Variants in CHD2 observed in about 807,000 individuals in gnomAD.
The protein encoded by CHD2 is ATP-dependent chromatin remodeler CHD2.
CHD2 carries 28 observed loss-of-function variants against 243.9 expected under a neutral mutation model. The observed-to-expected ratio is 0.11, with a 90% CI of 0.09 to 0.16. The LOEUF is 0.16. Ranked by LOEUF, CHD2 falls within the 10% of genes least tolerant of loss-of-function variation. The probability of loss-of-function intolerance (pLI) is 1.00; values close to 1 mark genes in which losing one functional copy is unlikely to be tolerated. For synonymous variants in CHD2, 775 were observed against 779.0 expected, an observed-to-expected ratio of 0.99 and a Z score of 0.09; for missense variants, 1,386 against 2,209.8, an observed-to-expected ratio of 0.63 and a Z score of 7.47.
intron 37 of CHD2, among the ~76,000 whole-genome samples, chr15:93,019,561 A>T (rs2054505581): frequency 6.6e-6 from 1 of 152,248 alleles, no homozygotes; most frequent in Non-Finnish European, 1.5e-5. Flanking sequence ...TTTGAACTTC[A>T]GCAAAGTAGT....
In CHD2 at chr15:93,024,420, A is replaced by C. The variant is rs1009699195; in HGVS notation, c.5202A>C (p.Gln1734His). 14 of 1,614,032 alleles carry C rather than the reference A, an allele frequency of 8.7e-6. No individual in the cohort carries two copies. Among genetic ancestry groups the C allele is most frequent in the Non-Finnish European group, 1.2e-5 (14 of 1,180,024 alleles). ...GGAGATCCGATGAATTTAGGCCTCA[A>C]AATTACCACCAGCAGGATTTCCGAC... is the stretch of plus-strand genomic sequence containing the variant. ...KRRRSDEFRP[Q>H]NYHQQDFRRM... The change falls in exon 39 of 39, where the codon CAA becomes CAC. Residue 1734 changes from glutamine to histidine, a missense_variant. Gln to His is a conservative substitution (Grantham distance 24). Around this residue, in one of 19 missense-constraint regions of CHD2, gnomAD observed 347 missense variants for 341.6 expected, o/e 1.02. Coordinates refer to ENST00000394196, the MANE Select transcript of CHD2 (RefSeq NM_001271.4).
At chr15:92,992,780 G>A in intron 27 of CHD2, 79 bp from the exon 28 acceptor site, 3 of 1,543,130 alleles carry the variant, frequency 1.9e-6, no homozygotes, top group South Asian at 2.3e-5. Flanking sequence ...AAGATTATGT[G>A]AGGCCTAGTG....
At chr15:92,980,950 TATG>T (rs778311714) in intron 23 of CHD2, 39 bp downstream of exon 23, 1 of 1,408,932 alleles carries the variant, frequency 7.1e-7, no homozygotes, top group Non-Finnish European at 1.0e-6. Context: ...TTTTGAGAAG[TATG>T]ATCTGTGAGA....
At chr15:92,980,990 G>A in intron 23 of CHD2, 79 bp downstream of exon 23, 1 of 955,272 alleles carries the variant, frequency 1.0e-6, no homozygotes. Flanking sequence ...AGAAGATTCT[G>A]TTAGAGGCTT....
chr15:92,948,882 G>A (rs1388764335), intron 12 of CHD2, 70 bp from the exon 13 acceptor site: 16 of 1,503,368 alleles, frequency 1.1e-5, no homozygotes, highest in Middle Eastern at 1.7e-4. Context: ...CCGAATATGT[G>A]AATTGTGGCT....
chr15:93,020,123 A>C lies in CHD2; in HGVS notation c.5018A>C (p.His1673Pro), dbSNP rs1334539445. 1 of 1,614,140 alleles carries C rather than the reference A, an allele frequency of 6.2e-7. No homozygotes were observed. Among genetic ancestry groups the C allele is most frequent in the Non-Finnish European group, 8.5e-7 (1 of 1,180,020 alleles). The change falls in exon 38 of 39, where the codon CAC (histidine) becomes CCC (proline). Residue 1673 changes from histidine to proline, a missense_variant. Around this residue, in one of 19 missense-constraint regions of CHD2, gnomAD observed 347 missense variants for 341.6 expected, o/e 1.02. Transcript: ENST00000394196. ...HQYEQHWYKDHHYGDRRHMDA... is the reference protein window; with the variant it reads ...HQYEQHWYKDPHYGDRRHMDA... Reference sequence around the variant, plus strand: ...TATGAGCAGCACTGGTACAAGGACCACCATTATGGGGACCGGCGACATATG... The same window carrying C: ...TATGAGCAGCACTGGTACAAGGACCCCCATTATGGGGACCGGCGACATATG...
At chr15:93,015,380 C>T (rs2054446315) in intron 37 of CHD2, among the ~76,000 whole-genome samples, 1 of 152,154 alleles carries the variant, frequency 6.6e-6, no homozygotes. Context: ...CGTCTGGCCC[C>T]CAGGACTATT....
chr15:92,997,648 A>G lies in CHD2; in HGVS notation c.3885+245A>G. The G allele has an allele frequency of 3.2e-6, 1 of 315,582 alleles. No individual in the cohort carries two copies. The highest frequency in any genetic ancestry group is 5.7e-6 in the Non-Finnish European group (1 of 174,192). 19.5% of individuals were successfully genotyped at this position (315,582 alleles called of 1,614,324 possible). ...AGAAATCTTAAAATTCTGGTATTTA[A>G]TTATAGGTCAGATTTCATTACAATA... On this transcript the variant is annotated intron_variant, in intron 30 of 38. Coordinates refer to ENST00000394196, the MANE Select transcript of CHD2 (RefSeq NM_001271.4). This position sits in a 1 kb window ranked among gnomAD's most constrained non-coding sequence, Gnocchi z 4.1.
At chr15:92,930,351 G>A (rs2053142696) in intron 5 of CHD2, among the ~76,000 whole-genome samples, 1 of 152,096 alleles carries the variant, frequency 6.6e-6, no homozygotes, top group African/African-American at 2.4e-5. Context: ...TTATTTGTGT[G>A]TGCAGAAGCC....
chr15:92,953,626 A>T, intron 14 of CHD2, 53 bp downstream of exon 14: 1 of 1,531,516 alleles, frequency 6.5e-7, no homozygotes, highest in Non-Finnish European at 9.0e-7. Context: ...TGTAATTTAG[A>T]AATTCACTTA....
intron 2 of CHD2, among the ~76,000 whole-genome samples, chr15:92,918,619 C>T (rs757958633): frequency 6.1e-4 from 93 of 152,094 alleles, no homozygotes; most frequent in Non-Finnish European, 1.0e-3. Flanking sequence ...TTCTATTAGT[C>T]TTGTGGGCTT....
At chr15:93,022,645 C>A (rs1331296660) in intron 38 of CHD2, among the ~76,000 whole-genome samples, 2 of 152,180 alleles carry the variant, frequency 1.3e-5, no homozygotes, top group African/African-American at 4.8e-5. Flanking sequence ...ACCTGGGAAC[C>A]CTCTGTAGAT....
chr15:92,918,139 A>G (rs371215405), intron 2 of CHD2, among the ~76,000 whole-genome samples: 135 of 152,320 alleles, frequency 8.9e-4, no homozygotes, highest in Non-Finnish European at 1.6e-3. Context: ...CATTTGGGAA[A>G]CCGCGATTAA....
chr15:92,945,582 G>C (rs2053452899), intron 10 of CHD2: 1 of 208,670 alleles, frequency 4.8e-6, no homozygotes, highest in Admixed American at 6.0e-5. Flanking sequence ...ATTTTTAGTA[G>C]AGACAGAGTT....
At chr15:92,992,824 G>T (rs1251906561) in intron 27 of CHD2, 35 bp from the exon 28 acceptor site, 1 of 1,606,182 alleles carries the variant, frequency 6.2e-7, no homozygotes. Flanking sequence ...GTGGGCACAG[G>T]GTCCTAAAGT....
chr15:92,946,271 G>T (rs2053466082), intron 12 of CHD2, 55 bp downstream of exon 12: 4 of 1,411,996 alleles, frequency 2.8e-6, no homozygotes, highest in Admixed American at 2.0e-5. Flanking sequence ...TGATAAAGAG[G>T]ATTGGACACA....
At chr15:92,955,999 C>T (rs976784591) in intron 15 of CHD2, among the ~76,000 whole-genome samples, 2 of 152,084 alleles carry the variant, frequency 1.3e-5, no homozygotes, top group East Asian at 1.9e-4. Flanking sequence ...CTTTAAATAC[C>T]GCCTTTCTGC....
intron 16 of CHD2, 34 bp from the exon 17 acceptor site, chr15:92,967,291 G>T: frequency 1.4e-6 from 2 of 1,404,722 alleles, no homozygotes; most frequent in African/African-American, 1.5e-5. Context: ...TTTCCTCAAT[G>T]TGGCTAAATA....
At chr15:93,023,897 TG>T (rs1281974031) in intron 38 of CHD2, among the ~76,000 whole-genome samples, 1 of 152,130 alleles carries the variant, frequency 6.6e-6, no homozygotes, top group Non-Finnish European at 1.5e-5. Context: ...CTTTTTTTAA[TG>T]GTATCATGAG....
Sources: allele counts gnomAD v4.1 joint callset (sites outside exome capture counted in the v4.1 genomes callset), GRCh38; gene constraint gnomAD v4.1.1; regional missense constraint gnomAD v4.1.1; non-coding constraint Gnocchi (gnomAD v3.1); transcripts MANE v1.5; gene names NCBI Gene and HGNC (gene_info 2026-07-23, HGNC 2026-07-21).